The following EML6 variants were observed in gnomAD, a reference collection of about 807,000 sequenced individuals.
EML6 encodes echinoderm microtubule-associated protein-like 6.
In EML6, 154 loss-of-function variants were observed where a neutral mutation model predicts 240.1. That is an observed-to-expected ratio of 0.64 (90% confidence interval 0.56 to 0.73). The LOEUF (loss-of-function observed/expected upper bound fraction) is 0.73, where lower values mean the gene tolerates loss of function less well. Ranked by LOEUF, EML6 falls within the 30% of genes least tolerant of loss-of-function variation. EML6 has a pLI of 0.00. For synonymous variants in EML6, 1,148 were observed against 899.0 expected, an observed-to-expected ratio of 1.28 and a Z score of -4.95; for missense variants, 2,964 against 2,474.6, an observed-to-expected ratio of 1.20 and a Z score of -4.20.
At chr2:54,912,056 C>T (rs1673670733) in intron 25 of EML6, among the ~76,000 whole-genome samples, 1 of 152,202 alleles carries the variant, frequency 6.6e-6, no homozygotes. Context: ...TCTGCCTCTC[C>T]CTCGCTTCAG....
chr2:54,934,127 A>G (rs891577744), intron 28 of EML6, among the ~76,000 whole-genome samples: 2 of 152,184 alleles, frequency 1.3e-5, no homozygotes, highest in Non-Finnish European at 2.9e-5. Context: ...TGGTAATGTG[A>G]ATGTTGGAAA....
At position 54,925,626 on chromosome 2, in the gene EML6, G is replaced by T. The variant is rs569132916; in HGVS notation, c.3676-2687G>T. Among the ~76,000 whole-genome samples, 24 of 152,134 alleles carry T rather than the reference G, an allele frequency of 1.6e-4. No homozygotes were observed. The Middle Eastern group carries it at 0.01, about 65-fold the overall frequency. On this transcript the variant is annotated intron_variant, in intron 26 of 41. Coordinates refer to ENST00000356458, the MANE Select transcript of EML6 (RefSeq NM_001039753.4). ...ATCTTTATTAATATTCAGTTTTATA[G>T]GTTAAAGCCTTCCCAATTAGATCAT...
intron 30 of EML6, among the ~76,000 whole-genome samples, chr2:54,951,283 A>G (rs1195602760): frequency 6.6e-6 from 1 of 152,206 alleles, no homozygotes; most frequent in Non-Finnish European, 1.5e-5. Context: ...CTGTAATCCC[A>G]GCACTTTGAG....
chr2:54,929,619 T>C (rs1489042930), intron 28 of EML6, among the ~76,000 whole-genome samples: 2 of 152,174 alleles, frequency 1.3e-5, no homozygotes, highest in African/African-American at 2.4e-5. Context: ...TAGTATGGCT[T>C]TCTGCCTAAC....
intron 28 of EML6, among the ~76,000 whole-genome samples, chr2:54,940,754 AG>A: frequency 6.6e-6 from 1 of 152,232 alleles, no homozygotes; most frequent in Non-Finnish European, 1.5e-5. Flanking sequence ...TGTAGAATCC[AG>A]GGTGCCCCAG....
Position 54,827,210 on chromosome 2 carries a change from AC to A in EML6, c.526-354del, listed in dbSNP as rs199930957. On this transcript the variant is annotated intron_variant, in intron 5 of 41. Coordinates refer to ENST00000356458, the MANE Select transcript of EML6 (RefSeq NM_001039753.4). The stretch of plus-strand genomic sequence containing the variant: ...GTGTTTCTAAACCTTTCTACAATAA[AC>A]CTATACTACTTTTATAACTTGATAA... 4.3e-3 allele frequency among the ~76,000 whole-genome samples: 660 copies of A among 152,276 alleles called. 6 individuals carry two copies. Among genetic ancestry groups the A allele is most frequent in the African/African-American group, 0.015 (623 of 41,544 alleles).
intron 7 of EML6, among the ~76,000 whole-genome samples, chr2:54,835,962 C>G (rs1040097535): frequency 2.0e-5 from 3 of 152,158 alleles, no homozygotes; most frequent in African/African-American, 7.2e-5. Flanking sequence ...GCAAAATAAG[C>G]ACATCCTATT....
intron 7 of EML6, among the ~76,000 whole-genome samples, chr2:54,831,250 C>T (rs960759712): frequency 2.0e-5 from 3 of 152,312 alleles, no homozygotes; most frequent in African/African-American, 7.2e-5. Context: ...ATTCATGACT[C>T]TTTTTGGCAG....
intron 2 of EML6, among the ~76,000 whole-genome samples, chr2:54,772,315 A>G (rs1278453572): frequency 6.6e-6 from 1 of 152,196 alleles, no homozygotes; most frequent in African/African-American, 2.4e-5. Flanking sequence ...GTGCTATGGA[A>G]ATATGAACAG....
intron 19 of EML6, among the ~76,000 whole-genome samples, chr2:54,893,810 G>A (rs538117729): frequency 6.6e-6 from 1 of 152,260 alleles, no homozygotes; most frequent in South Asian, 2.1e-4. Context: ...GTATGCAACT[G>A]TAACGGTTGT....
chr2:54,909,556 C>A (rs933207570), intron 24 of EML6, among the ~76,000 whole-genome samples: 1 of 152,096 alleles, frequency 6.6e-6, no homozygotes, highest in Non-Finnish European at 1.5e-5. Context: ...TAAGATTAGC[C>A]AAGCTAGGCT....
At chr2:54,881,648 C>CAAAAAAAAA (rs35910314) in intron 17 of EML6, 1 of 96,294 alleles carries the variant, frequency 1.0e-5, no homozygotes, top group African/African-American at 4.2e-5. Flanking sequence ...GACTCCGTCC[C>CAAAAAAAAA]AAAAAAAAAA....
intron 21 of EML6, among the ~76,000 whole-genome samples, chr2:54,899,403 G>A (rs1672940347): frequency 6.6e-6 from 1 of 152,216 alleles, no homozygotes; most frequent in South Asian, 2.1e-4. Flanking sequence ...TAAGCAATGA[G>A]TTCATGTTTT....
chr2:54,848,634 T>G (rs542698299), intron 9 of EML6, among the ~76,000 whole-genome samples: 1 of 152,116 alleles, frequency 6.6e-6, no homozygotes. Context: ...GCGACTGTTA[T>G]GTAGAACGAT....
In EML6 at chr2:54,827,666, A is replaced by G; in HGVS notation, c.626A>G (p.Asp209Gly). 3.2e-6 allele frequency: 5 copies of G among 1,551,704 alleles called. No homozygotes were observed. Among genetic ancestry groups the G allele is most frequent in the Non-Finnish European group, 4.4e-6 (5 of 1,146,932 alleles). ...CTTTGCCTTGCATGTGCCAAAGAAGACATCACCTACTCTGGTGCTTTAAAT... is the reference window on the plus strand; with the variant it reads ...CTTTGCCTTGCATGTGCCAAAGAAGGCATCACCTACTCTGGTGCTTTAAAT... ...TILCLACAKE[D>G]ITYSGALNGD... Residue 209 changes from aspartate to glycine, a missense_variant, in exon 6 of 42, where the codon GAC becomes GGC. Transcript: ENST00000356458.
chr2:54,778,676 C>G (rs1668703172), intron 2 of EML6, among the ~76,000 whole-genome samples: 1 of 151,914 alleles, frequency 6.6e-6, no homozygotes, highest in Admixed American at 6.6e-5. Flanking sequence ...GTCACAAGGT[C>G]AGGAGATCGA....
At chr2:54,942,508 G>A (rs747739790) in intron 28 of EML6, among the ~76,000 whole-genome samples, 11 of 152,146 alleles carry the variant, frequency 7.2e-5, no homozygotes, top group Non-Finnish European at 1.6e-4. Flanking sequence ...TCAGGATGTG[G>A]TAACCGAGGA....
intron 28 of EML6, among the ~76,000 whole-genome samples, chr2:54,943,851 A>C (rs1184158686): frequency 1.3e-5 from 2 of 152,210 alleles, no homozygotes; most frequent in East Asian, 3.8e-4. Context: ...TAGGACTTCA[A>C]ATTCCAGTGT....
At chr2:54,807,868 G>GT in intron 2 of EML6, among the ~76,000 whole-genome samples, 1 of 152,314 alleles carries the variant, frequency 6.6e-6, no homozygotes, top group Non-Finnish European at 1.5e-5. Context: ...TCATGCCACT[G>GT]TATGGCTGTA....
Sources: gnomAD v4.1 joint callset for allele counts (sites outside exome capture counted in the v4.1 genomes callset) on GRCh38, gnomAD v4.1.1 for gene constraint, MANE v1.5 for transcripts, NCBI Gene and HGNC (gene_info 2026-07-23, HGNC 2026-07-21) for gene names.